CNTN5: variants seen among roughly 807,000 people sequenced by gnomAD.
The protein encoded by CNTN5 is contactin 5, also known as contactin-5.
Under a neutral mutation model 129.1 loss-of-function variants are expected in CNTN5, and 77 were observed. The ratio of observed to expected loss-of-function variants is 0.60; its 90% CI spans 0.50 to 0.72. CNTN5 has a LOEUF of 0.72. Ranked by LOEUF, CNTN5 falls within the 30% of genes least tolerant of loss-of-function variation. The pLI is 0.00. For synonymous variants in CNTN5, 509 were observed against 465.6 expected, an observed-to-expected ratio of 1.09 and a Z score of -1.20; for missense variants, 1,478 against 1,328.8, an observed-to-expected ratio of 1.11 and a Z score of -1.75.
chr11:99,904,066 T>C (rs1448268125), intron 6 of CNTN5, among the ~76,000 whole-genome samples: 1 of 152,182 alleles, frequency 6.6e-6, no homozygotes, highest in Non-Finnish European at 1.5e-5. Flanking sequence ...TATTTTTGTT[T>C]TCTTTTATTG....
At chr11:99,960,418 A>C (rs1041054980) in intron 8 of CNTN5, among the ~76,000 whole-genome samples, 1 of 151,842 alleles carries the variant, frequency 6.6e-6, no homozygotes, top group Non-Finnish European at 1.5e-5. Flanking sequence ...CTTATCTTCT[A>C]TACTTCTTCT....
At chr11:99,959,127 A>C (rs1300457962) in intron 8 of CNTN5, among the ~76,000 whole-genome samples, 2 of 152,028 alleles carry the variant, frequency 1.3e-5, no homozygotes, top group Admixed American at 1.3e-4. Context: ...CAAAACCCCA[A>C]CTCCAGTGAA....
chr11:99,195,343 A>G (rs908109444), intron 1 of CNTN5, among the ~76,000 whole-genome samples: 2 of 152,108 alleles, frequency 1.3e-5, no homozygotes, highest in African/African-American at 4.8e-5. Context: ...TTTTTTCTTA[A>G]TAGTACAGAT....
intron 1 of CNTN5, among the ~76,000 whole-genome samples, chr11:99,110,542 A>C (rs1046313674): frequency 1.3e-5 from 2 of 152,132 alleles, no homozygotes; most frequent in African/African-American, 4.8e-5. Flanking sequence ...TTCTACTATT[A>C]CTGAATCACA....
chr11:100,132,487 A>G (rs1195633003), intron 13 of CNTN5, among the ~76,000 whole-genome samples: 1 of 152,116 alleles, frequency 6.6e-6, no homozygotes, highest in African/African-American at 2.4e-5. Flanking sequence ...TTGCTTATTT[A>G]AATAATGTCT....
rs114502574 is a variant in CNTN5, at chr11:99,575,284, A to G, written c.55+19015A>G. Among the ~76,000 whole-genome samples the G allele has an allele frequency of 2.5e-3, 388 of 152,320 alleles. 2 individuals are homozygous for G. The highest frequency in any genetic ancestry group is 8.2e-3 in the African/African-American group (340 of 41,562). ...CTTAAAGAAAGTTAAGAGAAGTGAA[A>G]AAGAAGTCACCAGGCTAAATGATGC... On this transcript the variant is annotated intron_variant, in intron 3 of 24. Coordinates refer to ENST00000524871, the MANE Select transcript of CNTN5 (RefSeq NM_014361.4).
chr11:99,130,674 C>T (rs574226516), intron 1 of CNTN5, among the ~76,000 whole-genome samples: 22 of 145,464 alleles, frequency 1.5e-4, no homozygotes, highest in Non-Finnish European at 2.7e-4. Context: ...ATGAACTCCA[C>T]ATAGCACTTA....
At chr11:99,789,482 C>A (rs1350102569) in intron 3 of CNTN5, among the ~76,000 whole-genome samples, 2 of 151,928 alleles carry the variant, frequency 1.3e-5, no homozygotes, top group African/African-American at 4.8e-5. Context: ...CTGCAATAAA[C>A]TATCATGGAA....
intron 1 of CNTN5, among the ~76,000 whole-genome samples, chr11:99,025,438 T>C (rs1863069463): frequency 6.6e-6 from 1 of 151,832 alleles, no homozygotes. Context: ...CGTAGAGATG[T>C]TCTTCATAGG....
chr11:100,350,384 T>C (rs1282251576), intron 23 of CNTN5, among the ~76,000 whole-genome samples: 2 of 151,722 alleles, frequency 1.3e-5, no homozygotes, highest in Non-Finnish European at 3.0e-5. Context: ...ATGTAGTTAT[T>C]AATTTTATCT....
intron 13 of CNTN5, among the ~76,000 whole-genome samples, chr11:100,170,605 C>CA (rs1466098848): frequency 6.6e-6 from 1 of 151,878 alleles, no homozygotes; most frequent in African/African-American, 2.4e-5. Context: ...CAGGTTGTTT[C>CA]ACATAAGTGA....
chr11:99,994,630 A>G (rs1028819895), intron 8 of CNTN5, among the ~76,000 whole-genome samples: 7 of 152,218 alleles, frequency 4.6e-5, no homozygotes, highest in Non-Finnish European at 1.0e-4. Flanking sequence ...TTATTGTGTC[A>G]TCAGATTAAC....
At chr11:99,776,500 A>G (rs1406657010) in intron 3 of CNTN5, among the ~76,000 whole-genome samples, 2 of 151,830 alleles carry the variant, frequency 1.3e-5, no homozygotes, top group African/African-American at 4.8e-5. Flanking sequence ...TGACTTACAT[A>G]ACTCATACTG....
chr11:100,037,451 C>A (rs1048294061), intron 9 of CNTN5, among the ~76,000 whole-genome samples: 6 of 151,786 alleles, frequency 4.0e-5, no homozygotes, highest in African/African-American at 7.3e-5. Context: ...TGTCTCTGCC[C>A]GGGTTTGGTA....
chr11:100,065,914 C>T (rs1943674952), intron 10 of CNTN5, among the ~76,000 whole-genome samples: 1 of 151,876 alleles, frequency 6.6e-6, no homozygotes, highest in Non-Finnish European at 1.5e-5. Context: ...GATGTTTTAG[C>T]TGTTAAAGTA....
At chr11:99,507,027 A>C (rs1009145816) in intron 2 of CNTN5, among the ~76,000 whole-genome samples, 35 of 152,180 alleles carry the variant, frequency 2.3e-4, no homozygotes, top group African/African-American at 8.4e-4. Context: ...CAGATGTTTT[A>C]GTTTCCATTT....
At chr11:100,237,503 T>C (rs1949646390) in intron 16 of CNTN5, among the ~76,000 whole-genome samples, 1 of 152,166 alleles carries the variant, frequency 6.6e-6, no homozygotes, top group Admixed American at 6.6e-5. Flanking sequence ...GAAGAAACTT[T>C]TGCTGACTTT....
At chr11:100,001,171 A>G (rs1051735862) in intron 8 of CNTN5, among the ~76,000 whole-genome samples, 1 of 152,172 alleles carries the variant, frequency 6.6e-6, no homozygotes, top group African/African-American at 2.4e-5. Flanking sequence ...CTTTTCTACC[A>G]CATGAAAAGG....
intron 13 of CNTN5, among the ~76,000 whole-genome samples, chr11:100,173,815 G>A (rs1400597755): frequency 6.6e-6 from 1 of 152,220 alleles, no homozygotes; most frequent in Admixed American, 6.5e-5. Context: ...TGTCCCAGAA[G>A]GGACCACAAC....
Sources: allele counts gnomAD v4.1 joint callset (sites outside exome capture counted in the v4.1 genomes callset), GRCh38; gene constraint gnomAD v4.1.1; transcripts MANE v1.5; gene names NCBI Gene and HGNC (gene_info 2026-07-23, HGNC 2026-07-21).